Variants in AP3B1 observed in about 807,000 individuals in gnomAD.
AP3B1 encodes the protein adaptor related protein complex 3 subunit beta 1, also known as AP-3 complex subunit beta-1.
In AP3B1, 61 loss-of-function variants were observed where a neutral mutation model predicts 132.5. That is an observed-to-expected ratio of 0.46 (90% CI 0.37 to 0.57). The LOEUF (loss-of-function observed/expected upper bound fraction) is 0.57, where lower values mean the gene tolerates loss of function less well. Ranked by LOEUF, AP3B1 falls within the 20% of genes least tolerant of loss-of-function variation. The pLI is 0.00. For synonymous variants in AP3B1, 388 were observed against 438.3 expected (o/e 0.89, Z 1.43); for missense variants, 1,120 against 1,289.4 (o/e 0.87, Z 2.01).
intron 22 of AP3B1, among the ~76,000 whole-genome samples, chr5:78,050,737 T>C (rs768386551): frequency 6.6e-6 from 1 of 152,216 alleles, no homozygotes; most frequent in Non-Finnish European, 1.5e-5. Flanking sequence ...AACAAGAGTA[T>C]GAAAGACAAA....
chr5:78,027,461 T>C (rs1747382130), intron 24 of AP3B1, among the ~76,000 whole-genome samples: 1 of 152,054 alleles, frequency 6.6e-6, no homozygotes, highest in Admixed American at 6.5e-5. Context: ...CTTGTGGCTT[T>C]AAGGAATATT....
intron 11 of AP3B1, among the ~76,000 whole-genome samples, 174 bp from the exon 12 acceptor site, chr5:78,165,846 A>C (rs1743595358): frequency 6.6e-6 from 1 of 152,168 alleles, no homozygotes; most frequent in African/African-American, 2.4e-5. Context: ...AGGCGGGCGG[A>C]TCACCTGAGG....
In AP3B1 at chr5:78,110,339, C is replaced by T. The variant is rs1751520694; in HGVS notation, c.2265G>A (p.Gly755=). Residue 755 remains glycine, a synonymous_variant, in exon 20 of 27, where the codon GGG becomes GGA. Coordinates refer to ENST00000255194, the MANE Select transcript of AP3B1 (RefSeq NM_003664.5). ...TTTTAGATTTTTCATTTTCCTTCTC[C>T]CCATCTTCAGAATCACTACACATAA... The part of the protein sequence containing the change: ...KAKGKSDSED[G]EKENEKSKTS... 2 of 1,608,400 alleles carry T rather than the reference C, an allele frequency of 1.2e-6. No individual in the cohort carries two copies. The highest frequency in any genetic ancestry group is 2.7e-5 in the African/African-American group (2 of 74,768).
chr5:78,294,513 C>T lies in AP3B1; in HGVS notation c.67G>A (p.Glu23Lys). ...GAGGGGGAAATGGTTGAGGTCGCCT[C>T]CTGACCCAGCTCCGTCGCCTCCCCT... is the stretch of plus-strand genomic sequence containing the variant. ...GGGEATELGQ[E>K]ATSTISPSGA... The change falls in exon 1 of 27, where the codon GAG becomes AAG. Residue 23 changes from glutamate (E) to lysine (K), a missense_variant. Around this residue, in one of 3 missense-constraint regions of AP3B1, gnomAD observed 85 missense variants for 79.9 expected, o/e 1.06. Coordinates refer to ENST00000255194, the MANE Select transcript of AP3B1 (RefSeq NM_003664.5). The T allele has an allele frequency of 6.2e-7, 1 of 1,614,250 alleles. No individual in the cohort carries two copies. Among genetic ancestry groups the T allele is most frequent in the Non-Finnish European group, 8.5e-7 (1 of 1,180,048 alleles).
intron 22 of AP3B1, among the ~76,000 whole-genome samples, chr5:78,071,960 T>C (rs1749559349): frequency 1.3e-5 from 2 of 152,364 alleles, no homozygotes; most frequent in South Asian, 4.1e-4. Flanking sequence ...AACTTTGATG[T>C]ACTAGTTTAT....
chr5:78,114,206 C>T (rs1326841362), intron 18 of AP3B1, among the ~76,000 whole-genome samples: 1 of 152,162 alleles, frequency 6.6e-6, no homozygotes, highest in East Asian at 1.9e-4. Context: ...AATCTCACTT[C>T]AAACCCCAAA....
At chr5:78,058,454 C>T (rs186020776) in intron 22 of AP3B1, among the ~76,000 whole-genome samples, 85 of 151,872 alleles carry the variant, frequency 5.6e-4, no homozygotes, top group Non-Finnish European at 7.9e-4. Flanking sequence ...GAGCCGAGAC[C>T]GCGCCATTGC....
chr5:78,244,344 C>T (rs1027341163), intron 2 of AP3B1, among the ~76,000 whole-genome samples: 1 of 151,678 alleles, frequency 6.6e-6, no homozygotes, highest in African/African-American at 2.4e-5. Context: ...ACCTGGGAGC[C>T]GGGGATTGCA....
intron 21 of AP3B1, among the ~76,000 whole-genome samples, chr5:78,098,149 G>T: frequency 6.6e-6 from 1 of 150,866 alleles, no homozygotes; most frequent in Non-Finnish European, 1.5e-5. Context: ...ACTGCGGAAG[G>T]CCGCAGGGTC....
intron 24 of AP3B1, 137 bp from the exon 25 acceptor site, chr5:78,020,926 A>G (rs1338131358): frequency 1.5e-6 from 1 of 677,398 alleles, no homozygotes; most frequent in Non-Finnish European, 2.6e-6. Context: ...TCACAGCTAA[A>G]AAGGTTTAAA....
intron 21 of AP3B1, among the ~76,000 whole-genome samples, chr5:78,090,394 C>T (rs577669671): frequency 8.5e-5 from 13 of 152,344 alleles, no homozygotes; most frequent in Admixed American, 3.9e-4. Flanking sequence ...TTGTTATGCA[C>T]TAGCTCTATG....
chr5:78,037,199 G>C (rs1424091125), intron 23 of AP3B1, among the ~76,000 whole-genome samples: 1 of 152,122 alleles, frequency 6.6e-6, no homozygotes, highest in Non-Finnish European at 1.5e-5. Context: ...CATTATGCCA[G>C]CTCAAAGAAA....
chr5:78,276,383 A>G (rs987082334), intron 1 of AP3B1, among the ~76,000 whole-genome samples: 2 of 152,180 alleles, frequency 1.3e-5, no homozygotes, highest in Non-Finnish European at 2.9e-5. Context: ...ATACTTTGTG[A>G]TTTGACAAAG....
At chr5:78,130,920 T>C (rs1162433593) in intron 15 of AP3B1, among the ~76,000 whole-genome samples, 1 of 151,978 alleles carries the variant, frequency 6.6e-6, no homozygotes, top group Non-Finnish European at 1.5e-5. Context: ...TAGCCCAAAA[T>C]TAATTTTTAG....
intron 26 of AP3B1, among the ~76,000 whole-genome samples, chr5:78,003,924 G>A (rs998155726): frequency 2.0e-5 from 3 of 152,210 alleles, no homozygotes; most frequent in Non-Finnish European, 1.5e-5. Context: ...CATGAAGGAA[G>A]AGGACAGGAA....
At position 78,101,945 on chromosome 5, in the gene AP3B1, G is replaced by C. The variant is rs192277698; in HGVS notation, c.2398-920C>G. Among the ~76,000 whole-genome samples the C allele has an allele frequency of 8.6e-5, 13 of 152,016 alleles. No homozygotes were observed. The East Asian group carries it at 1.7e-3, about 20-fold the overall frequency. ...TTCTCAATCACAGACCAAAACTAAA[G>C]TTTCTACTAAAATGTTTTTGTTTAT... On this transcript the variant is annotated intron_variant, in intron 20 of 26. Transcript: ENST00000255194.
intron 7 of AP3B1, among the ~76,000 whole-genome samples, chr5:78,203,531 G>A (rs987558430): frequency 3.9e-5 from 6 of 152,076 alleles, no homozygotes; most frequent in African/African-American, 9.7e-5. Flanking sequence ...ATATGGGGGG[G>A]ACACAGACCC....
intron 1 of AP3B1, among the ~76,000 whole-genome samples, chr5:78,277,215 A>G (rs1379062011): frequency 1.3e-5 from 2 of 152,230 alleles, no homozygotes; most frequent in Admixed American, 6.5e-5. Context: ...ATAGGTTGTC[A>G]TGAAGACTTA....
At position 78,087,583 on chromosome 5, in the gene AP3B1, G is replaced by A. The variant is rs868312656; in HGVS notation, c.2577+1810C>T. The A allele has an allele frequency of 1.8e-5, 18 of 985,366 alleles. No homozygotes were observed. The Middle Eastern group carries it at 1.6e-3, about 86-fold the overall frequency. 61.0% of individuals were successfully genotyped at this position (985,366 alleles called of 1,614,324 possible). On this transcript the variant is annotated intron_variant, in intron 22 of 26. Coordinates refer to ENST00000255194, the MANE Select transcript of AP3B1 (RefSeq NM_003664.5). ...TTTGATCATTTTGTTAGCTTTTGGG[G>A]AGTGAGTGTTGTGGTCCTGCTTCAC... is the stretch of plus-strand genomic sequence containing the variant.
Sources: gnomAD v4.1 joint callset for allele counts (sites outside exome capture counted in the v4.1 genomes callset) on GRCh38, gnomAD v4.1.1 for gene constraint, gnomAD v4.1.1 regional missense constraint, MANE v1.5 for transcripts, NCBI Gene and HGNC (gene_info 2026-07-23, HGNC 2026-07-21) for gene names.